Variants in AKAP19 observed in about 807,000 individuals in gnomAD.
The protein encoded by AKAP19 is small A-kinase anchoring protein.
the AKAP19 span, among the ~76,000 whole-genome samples, chr2:190,117,670 C>T: frequency 4.6e-5 from 7 of 152,284 alleles, no homozygotes; most frequent in Admixed American, 2.0e-4. Context: ...AAGTTCTATC[C>T]AATATTTTAA....
the AKAP19 span, among the ~76,000 whole-genome samples, chr2:189,891,224 T>C: frequency 2.4e-5 from 2 of 83,470 alleles, no homozygotes; most frequent in Non-Finnish European, 3.9e-5. Flanking sequence ...TTTTTTTTCC[T>C]TTTTTTTTTT....
chr2:190,068,088 CCT>C, the AKAP19 span, among the ~76,000 whole-genome samples: 1 of 151,774 alleles, frequency 6.6e-6, no homozygotes, highest in African/African-American at 2.4e-5. Context: ...AGAGCGAGAC[CCT>C]CTCTAAAAAA....
the AKAP19 span, among the ~76,000 whole-genome samples, chr2:189,974,727 T>G: frequency 6.6e-6 from 1 of 152,216 alleles, no homozygotes. Flanking sequence ...CTCTTTACCA[T>G]TATGTAATGG....
the AKAP19 span, among the ~76,000 whole-genome samples, chr2:190,067,903 G>C: frequency 6.6e-6 from 1 of 151,770 alleles, no homozygotes; most frequent in Admixed American, 6.6e-5. Flanking sequence ...TTTTTCTATT[G>C]AAAAAAAGAT....
the AKAP19 span, chr2:189,930,290 G>T: frequency 1.7e-6 from 1 of 600,714 alleles, no homozygotes; most frequent in Non-Finnish European, 2.5e-6. Context: ...TGAAAGCAGT[G>T]CTGCATCAAC....
chr2:190,125,300 C>G, the AKAP19 span, among the ~76,000 whole-genome samples: 2 of 148,660 alleles, frequency 1.3e-5, no homozygotes, highest in African/African-American at 5.0e-5. Flanking sequence ...CTCATATACA[C>G]AGTTCGTTGT....
At chr2:190,063,557 A>G in the AKAP19 span, among the ~76,000 whole-genome samples, 1 of 152,184 alleles carries the variant, frequency 6.6e-6, no homozygotes, top group Admixed American at 6.6e-5. Flanking sequence ...AGATTATTAC[A>G]GTTTGCCTCA....
the AKAP19 span, among the ~76,000 whole-genome samples, chr2:190,016,998 T>A: frequency 3.3e-5 from 5 of 152,216 alleles, no homozygotes; most frequent in Non-Finnish European, 7.4e-5. Flanking sequence ...GATTGCTATA[T>A]TCTCTTGATA....
At chr2:190,102,025 A>G in the AKAP19 span, among the ~76,000 whole-genome samples, 603 of 152,316 alleles carry the variant, frequency 4.0e-3, 7 homozygotes, top group African/African-American at 0.014. Flanking sequence ...TGGAATAAAA[A>G]CAGAAATCAA....
chr2:190,013,904 C>G, the AKAP19 span, among the ~76,000 whole-genome samples: 59 of 152,058 alleles, frequency 3.9e-4, no homozygotes, highest in African/African-American at 1.3e-3. Context: ...TTGATTTTTT[C>G]TATTGTTTTT....
the AKAP19 span, among the ~76,000 whole-genome samples, chr2:190,022,220 T>C: frequency 6.6e-6 from 1 of 152,258 alleles, no homozygotes; most frequent in South Asian, 2.1e-4. Context: ...GGAACAAATA[T>C]TCAAACCATA....
chr2:190,085,945 T>G, the AKAP19 span, among the ~76,000 whole-genome samples: 1 of 152,172 alleles, frequency 6.6e-6, no homozygotes, highest in Admixed American at 6.6e-5. Flanking sequence ...CTTGTACCAG[T>G]GGGGCTGAAA....
the AKAP19 span, among the ~76,000 whole-genome samples, chr2:189,904,660 T>C: frequency 6.6e-6 from 1 of 152,038 alleles, no homozygotes; most frequent in African/African-American, 2.4e-5. Flanking sequence ...TATGCAGTTA[T>C]TGATGTTAAT....
chr2:190,078,721 A>G, the AKAP19 span, among the ~76,000 whole-genome samples: 2 of 152,104 alleles, frequency 1.3e-5, no homozygotes, highest in African/African-American at 2.4e-5. Context: ...TCCATTTTGC[A>G]GGACAATCTG....
the AKAP19 span, among the ~76,000 whole-genome samples, chr2:190,170,872 G>C: frequency 6.6e-6 from 1 of 152,180 alleles, no homozygotes; most frequent in Non-Finnish European, 1.5e-5. Flanking sequence ...ATAAGAGACT[G>C]TGTACATTGA....
chr2:190,138,192 C>T, the AKAP19 span, among the ~76,000 whole-genome samples: 5 of 152,188 alleles, frequency 3.3e-5, no homozygotes, highest in Non-Finnish European at 7.4e-5. Flanking sequence ...GTAGTTACTA[C>T]TTTCACTACT....
the AKAP19 span, among the ~76,000 whole-genome samples, chr2:190,102,389 A>G: frequency 6.6e-6 from 1 of 152,180 alleles, no homozygotes; most frequent in Non-Finnish European, 1.5e-5. Flanking sequence ...CAAAGAATCA[A>G]TGAAATCAAA....
chr2:189,991,886 T>A, the AKAP19 span, among the ~76,000 whole-genome samples: 33 of 152,282 alleles, frequency 2.2e-4, no homozygotes, highest in Middle Eastern at 3.4e-3. Context: ...AGGTAAGAGA[T>A]GAGGATCCAG....
At chr2:190,197,205 A>G in the AKAP19 span, among the ~76,000 whole-genome samples, 4 of 152,312 alleles carry the variant, frequency 2.6e-5, no homozygotes, top group Admixed American at 2.6e-4. This position sits in a 1 kb window ranked among gnomAD's most constrained non-coding sequence, Gnocchi z 4.0. Context: ...CCTAGCTCAC[A>G]AGCCTAAGTC....
Sources: allele counts gnomAD v4.1 joint callset (sites outside exome capture counted in the v4.1 genomes callset), GRCh38; gene constraint gnomAD v4.1.1; non-coding constraint Gnocchi (gnomAD v3.1); transcripts MANE v1.5; gene names NCBI Gene and HGNC (gene_info 2026-07-23, HGNC 2026-07-21).